The following CYSLTR1 variants were observed in gnomAD, a reference collection of about 807,000 sequenced individuals.
The protein encoded by CYSLTR1 is cysteinyl leukotriene receptor 1.
CYSLTR1 carries 1 observed loss-of-function variant against 2.1 expected under a neutral mutation model. The ratio of observed to expected loss-of-function variants is 0.48; its 90% CI spans 0.17 to 2.28. CYSLTR1 has a LOEUF of 2.28. CYSLTR1 is among the 30% of genes most tolerant of loss of function. The probability of loss-of-function intolerance (pLI) is 0.26; values close to 1 mark genes in which losing one functional copy is unlikely to be tolerated. For missense variants in CYSLTR1, 299 were observed against 250.1 expected (o/e 1.20, Z -1.32); for synonymous variants, 110 against 89.6 (o/e 1.23, Z -1.28).
chrX:78,281,294 T>G (rs1363608145), intron 2 of CYSLTR1, among the ~76,000 whole-genome samples: 37 of 106,635 alleles, frequency 3.5e-4, no homozygotes, highest in Non-Finnish European at 6.6e-4. Flanking sequence ...TGAGACAGGG[T>G]CTCACTCTGT....
At chrX:78,307,429 C>T (rs1228654841) in intron 1 of CYSLTR1, among the ~76,000 whole-genome samples, 1 of 111,636 alleles carries the variant, frequency 9.0e-6, no homozygotes, top group Non-Finnish European at 1.9e-5. Context: ...TGTTTTCTTC[C>T]AGGCCATCAG....
At chrX:78,317,286 A>G (rs1230574764) in intron 1 of CYSLTR1, among the ~76,000 whole-genome samples, 1 of 112,663 alleles carries the variant, frequency 8.9e-6, no homozygotes, top group Non-Finnish European at 1.9e-5. Context: ...ACAATGAGAT[A>G]CTGCCTTACT....
intron 1 of CYSLTR1, among the ~76,000 whole-genome samples, chrX:78,287,995 CA>C (rs1203745281): frequency 1.9e-5 from 2 of 106,708 alleles, no homozygotes; most frequent in African/African-American, 6.8e-5. Context: ...AAGATAATTA[CA>C]AAAAAAATTA....
At chrX:78,325,420 G>A (rs1403837604) in intron 1 of CYSLTR1, among the ~76,000 whole-genome samples, 2 of 112,236 alleles carry the variant, frequency 1.8e-5, no homozygotes, top group African/African-American at 6.5e-5. Context: ...ATGGTGGTTT[G>A]TATTTTCAAG....
intron 1 of CYSLTR1, among the ~76,000 whole-genome samples, chrX:78,289,267 T>G (rs1922211595): frequency 9.0e-6 from 1 of 111,715 alleles, no homozygotes; most frequent in Non-Finnish European, 1.9e-5. Flanking sequence ...TCTAGCTTCA[T>G]CCATGTCCCT....
chrX:78,301,976 T>C (rs778708691), intron 1 of CYSLTR1, among the ~76,000 whole-genome samples: 2 of 111,933 alleles, frequency 1.8e-5, no homozygotes, highest in Non-Finnish European at 3.8e-5. Flanking sequence ...GAACTCCTCT[T>C]TATAAAACCA....
At chrX:78,323,539 T>G (rs915659722) in intron 1 of CYSLTR1, among the ~76,000 whole-genome samples, 1 of 112,064 alleles carries the variant, frequency 8.9e-6, no homozygotes, top group Non-Finnish European at 1.9e-5. Context: ...GTTGTTATTA[T>G]TAGCTCAATT....
chrX:78,305,765 G>A (rs997499037), intron 1 of CYSLTR1, among the ~76,000 whole-genome samples: 2 of 112,750 alleles, frequency 1.8e-5, no homozygotes, highest in African/African-American at 6.4e-5. Flanking sequence ...ATTTTGCTTA[G>A]CATAACGCCC....
At chrX:78,291,352 A>G (rs551044568) in intron 1 of CYSLTR1, among the ~76,000 whole-genome samples, 8 of 111,622 alleles carry the variant, frequency 7.2e-5, no homozygotes, top group Non-Finnish European at 1.1e-4. Context: ...TGCTGGATTT[A>G]GTTTGCCAGT....
At chrX:78,295,496 T>A (rs1328886611) in intron 1 of CYSLTR1, among the ~76,000 whole-genome samples, 2 of 110,597 alleles carry the variant, frequency 1.8e-5, no homozygotes, top group Non-Finnish European at 3.8e-5. Context: ...TTGTACTAAT[T>A]TACATTCTTA....
At chrX:78,284,759 T>TAA (rs61463264) in intron 1 of CYSLTR1, among the ~76,000 whole-genome samples, 6,059 of 72,989 alleles carry the variant, frequency 0.083, 222 homozygotes, top group Non-Finnish European at 0.096. Flanking sequence ...AGAACTCTAC[T>TAA]AAAAAAAAAA....
intron 2 of CYSLTR1, among the ~76,000 whole-genome samples, chrX:78,274,317 C>T (rs1489053073): frequency 9.0e-5 from 10 of 111,171 alleles, no homozygotes; most frequent in African/African-American, 3.3e-4. Flanking sequence ...TCAAACTATA[C>T]TACAAGGCTA....
chrX:78,271,579 C>T lies in CYSLTR1; in HGVS notation c.*1154G>A, dbSNP rs1283141727. 4 of 111,789 alleles carry T rather than the reference C, an allele frequency of 3.6e-5. No homozygotes were observed. In the East Asian group the frequency reaches 8.4e-4, roughly 23 times the overall value. The allele number at this position is 111,789 out of a possible 1,213,427, so 9.2% of individuals were successfully genotyped here. ...CTTGTCCACGCATATTATATTTCAG[C>T]CGTAGATGAGTTGTTGTGGCTGTTT... On this transcript the variant is annotated 3_prime_UTR_variant, in exon 3 of 3. Coordinates refer to ENST00000373304, the MANE Select transcript of CYSLTR1 (RefSeq NM_006639.4).
At chrX:78,295,244 A>G (rs1013495949) in intron 1 of CYSLTR1, among the ~76,000 whole-genome samples, 1 of 111,600 alleles carries the variant, frequency 9.0e-6, no homozygotes, top group Admixed American at 9.5e-5. Context: ...TCCATTGTGT[A>G]TATGTACCGT....
rs1055324278 is a variant in CYSLTR1 at position 78,273,472 on chromosome X, C to T, written c.275G>A (p.Gly92Asp). The change falls in exon 3 of 3, where the codon GGT (glycine) becomes GAT (aspartate). Residue 92 changes from glycine to aspartate, a missense_variant. Coordinates refer to ENST00000373304, the MANE Select transcript of CYSLTR1 (RefSeq NM_006639.4). ...GGTGCTGAGGCGGCACAAGAAGTCA[C>T]CAAAGAGCCAAATGCCTTTGTGAAC... ...YYVHKGIWLFGDFLCRLSTYA... is the reference protein window; with the variant it reads ...YYVHKGIWLFDDFLCRLSTYA... 5 of 1,211,435 alleles carry T rather than the reference C, an allele frequency of 4.1e-6. No individual in the cohort carries two copies. The highest frequency in any genetic ancestry group is 5.6e-6 in the Non-Finnish European group (5 of 895,414).
intron 1 of CYSLTR1, among the ~76,000 whole-genome samples, chrX:78,307,693 C>A (rs1030755568): frequency 2.7e-5 from 3 of 111,357 alleles, no homozygotes; most frequent in Non-Finnish European, 3.8e-5. Flanking sequence ...ATTTTGCCTA[C>A]CAAAGAGTGA....
At chrX:78,318,969 C>T (rs751377652) in intron 1 of CYSLTR1, 1 of 109,341 alleles carries the variant, frequency 9.1e-6, no homozygotes, top group Non-Finnish European at 1.9e-5. Context: ...TCCTCTTTCA[C>T]ACTTAAATAA....
At chrX:78,274,797 C>A (rs1202692677) in intron 2 of CYSLTR1, among the ~76,000 whole-genome samples, 2 of 110,964 alleles carry the variant, frequency 1.8e-5, no homozygotes, top group Non-Finnish European at 3.8e-5. Context: ...AGGCAACCTA[C>A]AGAATGGGAG....
chrX:78,302,734 G>T (rs1922870643), intron 1 of CYSLTR1, among the ~76,000 whole-genome samples: 1 of 110,786 alleles, frequency 9.0e-6, no homozygotes, highest in African/African-American at 3.3e-5. Flanking sequence ...TCTGGAAAAG[G>T]GCCTCACGAC....
Sources: gnomAD v4.1 joint callset for allele counts (sites outside exome capture counted in the v4.1 genomes callset) on GRCh38, gnomAD v4.1.1 for gene constraint, MANE v1.5 for transcripts, NCBI Gene and HGNC (gene_info 2026-07-23, HGNC 2026-07-21) for gene names.